The following ADGRL3 variants were observed in gnomAD, a reference collection of about 807,000 sequenced individuals.
ADGRL3 encodes adhesion G protein-coupled receptor L3, also known as calcium-independent alpha-latrotoxin receptor 3.
Under a neutral mutation model 153.5 loss-of-function variants are expected in ADGRL3, and 62 were observed. That is an observed-to-expected ratio of 0.40 (90% CI 0.33 to 0.50). The LOEUF (loss-of-function observed/expected upper bound fraction) is 0.50. Ranked by LOEUF, ADGRL3 falls within the 20% of genes least tolerant of loss-of-function variation. The probability of loss-of-function intolerance (pLI) is 0.47; values close to 1 mark genes in which losing one functional copy is unlikely to be tolerated. For missense variants in ADGRL3, 1,641 were observed against 1,859.4 expected (o/e 0.88, Z 2.16); for synonymous variants, 710 against 672.5 (o/e 1.06, Z -0.86).
At chr4:61,606,860 C>A (rs1393852545) in intron 5 of ADGRL3, among the ~76,000 whole-genome samples, 1 of 151,870 alleles carries the variant, frequency 6.6e-6, no homozygotes, top group East Asian at 1.9e-4. Flanking sequence ...CATAACAAGT[C>A]CAGATATGAG....
At chr4:61,874,951 G>A (rs2098466482) in intron 9 of ADGRL3, among the ~76,000 whole-genome samples, 1 of 151,018 alleles carries the variant, frequency 6.6e-6, no homozygotes, top group African/African-American at 2.4e-5. Flanking sequence ...TGGGACTACA[G>A]GCGCCCACCA....
chr4:61,442,342 G>T (rs1373624831), intron 2 of ADGRL3, among the ~76,000 whole-genome samples: 1 of 152,194 alleles, frequency 6.6e-6, no homozygotes, highest in Non-Finnish European at 1.5e-5. Context: ...AGCCAATGTG[G>T]CTAGAGAATC....
chr4:61,723,748 A>G (rs1386325216), intron 6 of ADGRL3, among the ~76,000 whole-genome samples: 1 of 152,178 alleles, frequency 6.6e-6, no homozygotes. Flanking sequence ...TCTATTTCCC[A>G]GCATTTGCAT....
chr4:61,624,762 G>A (rs1476522417), intron 5 of ADGRL3, among the ~76,000 whole-genome samples: 3 of 151,988 alleles, frequency 2.0e-5, no homozygotes, highest in African/African-American at 7.2e-5. Flanking sequence ...TAATGGATAT[G>A]AGATGTCATT....
At chr4:61,420,038 G>A (rs923654304) in intron 2 of ADGRL3, among the ~76,000 whole-genome samples, 3 of 152,020 alleles carry the variant, frequency 2.0e-5, no homozygotes, top group African/African-American at 7.2e-5. Flanking sequence ...CTGACCTCAG[G>A]TGATCCACCC....
intron 1 of ADGRL3, among the ~76,000 whole-genome samples, chr4:61,313,947 C>T (rs1224961877): frequency 6.6e-6 from 1 of 152,044 alleles, no homozygotes; most frequent in Non-Finnish European, 1.5e-5. Context: ...TGCCAGCTCT[C>T]CTAACGTGCA....
At chr4:61,648,459 G>A (rs539162806) in intron 5 of ADGRL3, among the ~76,000 whole-genome samples, 1 of 147,422 alleles carries the variant, frequency 6.8e-6, no homozygotes, top group South Asian at 2.2e-4. Flanking sequence ...AGTTAATCAA[G>A]TCCAGGATTT....
At chr4:62,036,546 CAAT>C (rs1725115748) in intron 23 of ADGRL3, among the ~76,000 whole-genome samples, 1 of 152,006 alleles carries the variant, frequency 6.6e-6, no homozygotes, top group Non-Finnish European at 1.5e-5. Context: ...ATGAATTTTA[CAAT>C]AATAAGATGA....
At chr4:61,508,533 C>G (rs2098444512) in intron 3 of ADGRL3, among the ~76,000 whole-genome samples, 1 of 152,236 alleles carries the variant, frequency 6.6e-6, no homozygotes, top group Admixed American at 6.5e-5. Flanking sequence ...ACCTACATAT[C>G]TAAGCATATC....
At chr4:61,953,364 A>C (rs1175894716) in intron 17 of ADGRL3, among the ~76,000 whole-genome samples, 1 of 152,218 alleles carries the variant, frequency 6.6e-6, no homozygotes, top group African/African-American at 2.4e-5. Context: ...ATCCTGATGC[A>C]TCCTTCTCCA....
chr4:61,938,600 G>T (rs565319300), intron 15 of ADGRL3, among the ~76,000 whole-genome samples: 3 of 152,158 alleles, frequency 2.0e-5, no homozygotes, highest in South Asian at 2.1e-4. Flanking sequence ...CACTGCTGCC[G>T]CAAGTGAACT....
At chr4:61,215,705 C>T (rs1221275884) in intron 1 of ADGRL3, among the ~76,000 whole-genome samples, 1 of 151,812 alleles carries the variant, frequency 6.6e-6, no homozygotes, top group African/African-American at 2.4e-5. Flanking sequence ...GCGCCCGCCA[C>T]CACGCCCGGT....
At chr4:61,909,330 G>A (rs913214932) in intron 11 of ADGRL3, among the ~76,000 whole-genome samples, 1 of 152,146 alleles carries the variant, frequency 6.6e-6, no homozygotes, top group Non-Finnish European at 1.5e-5. Flanking sequence ...ATTTTTCAAA[G>A]TAAGTTTCCT....
chr4:61,670,868 T>A (rs2094967396), intron 5 of ADGRL3, among the ~76,000 whole-genome samples: 1 of 152,202 alleles, frequency 6.6e-6, no homozygotes, highest in African/African-American at 2.4e-5. Context: ...AAAGTCACAA[T>A]GCTCATAGAA....
chr4:61,570,628 G>C (rs764799064), intron 4 of ADGRL3, among the ~76,000 whole-genome samples: 1 of 152,148 alleles, frequency 6.6e-6, no homozygotes, highest in East Asian at 1.9e-4. Flanking sequence ...CTAATGGACA[G>C]TATGAATTTG....
chr4:61,983,939 T>G (rs1305826840), intron 19 of ADGRL3, among the ~76,000 whole-genome samples: 1 of 152,178 alleles, frequency 6.6e-6, no homozygotes, highest in Non-Finnish European at 1.5e-5. Flanking sequence ...CATAGGATGG[T>G]GCAGTCCCTG....
At chr4:61,874,833 G>T (rs1183807906) in intron 9 of ADGRL3, among the ~76,000 whole-genome samples, 2 of 107,084 alleles carry the variant, frequency 1.9e-5, no homozygotes, top group Non-Finnish European at 3.4e-5. Flanking sequence ...ACGGAGTCTC[G>T]CTCTGTCGCC....
intron 1 of ADGRL3, among the ~76,000 whole-genome samples, chr4:61,326,969 T>C (rs1290167702): frequency 6.6e-6 from 1 of 151,932 alleles, no homozygotes; most frequent in Non-Finnish European, 1.5e-5. Context: ...TGATATAGGG[T>C]TATGTGAATT....
chr4:61,669,780 T>G (rs1325469174), intron 5 of ADGRL3, among the ~76,000 whole-genome samples: 1 of 152,178 alleles, frequency 6.6e-6, no homozygotes, highest in Non-Finnish European at 1.5e-5. Context: ...CAAGGCACTC[T>G]TTTTTAACAT....
Sources: allele counts gnomAD v4.1 joint callset (sites outside exome capture counted in the v4.1 genomes callset), GRCh38; gene constraint gnomAD v4.1.1; transcripts MANE v1.5; gene names NCBI Gene and HGNC (gene_info 2026-07-23, HGNC 2026-07-21).